Variants in SLC9A9 observed in about 807,000 individuals in gnomAD.
The protein encoded by SLC9A9 is solute carrier family 9 member A9.
SLC9A9 carries 62 observed loss-of-function variants against 77.8 expected under a neutral mutation model. The ratio of observed to expected loss-of-function variants is 0.80; its 90% confidence interval spans 0.65 to 0.98. The LOEUF (loss-of-function observed/expected upper bound fraction) is 0.98. SLC9A9 is among the 50% of genes least tolerant of loss of function. The pLI is 0.00. For missense variants in SLC9A9, 775 were observed against 774.9 expected (o/e 1.00, Z 0.00); for synonymous variants, 320 against 283.5 (o/e 1.13, Z -1.29).
At chr3:143,738,390 C>G (rs1179867649) in intron 4 of SLC9A9, among the ~76,000 whole-genome samples, 3 of 152,208 alleles carry the variant, frequency 2.0e-5, no homozygotes, top group African/African-American at 7.2e-5. Context: ...TGACTTCCCC[C>G]TCTAGCCGTT....
At chr3:143,301,564 A>G (rs1253710865) in intron 14 of SLC9A9, among the ~76,000 whole-genome samples, 4 of 152,320 alleles carry the variant, frequency 2.6e-5, no homozygotes, top group Middle Eastern at 3.4e-3. Context: ...TGTTAGGGCC[A>G]TCCTCTGCAG....
In SLC9A9 at chr3:143,428,229, C is replaced by CA. The variant is rs796279929; in HGVS notation, c.1469+38807dup. Among the ~76,000 whole-genome samples the CA allele has an allele frequency of 2.8e-3, 421 of 149,154 alleles. 2 individuals are homozygous for CA. The highest frequency in any genetic ancestry group is 8.6e-3 in the African/African-American group (345 of 40,324). On this transcript the variant is annotated intron_variant, in intron 12 of 15. Coordinates refer to ENST00000316549, the MANE Select transcript of SLC9A9 (RefSeq NM_173653.4). ...ATGGGGAATTCAGAACACTCAATAG[C>CA]AAAAAAAAATCTGATTAAAAATGGA...
chr3:143,581,862 A>T, intron 6 of SLC9A9, among the ~76,000 whole-genome samples: 1 of 152,232 alleles, frequency 6.6e-6, no homozygotes, highest in Non-Finnish European at 1.5e-5. Flanking sequence ...GCCCACCAGC[A>T]GGTGAGACTC....
At chr3:143,447,407 T>C (rs907456713) in intron 12 of SLC9A9, among the ~76,000 whole-genome samples, 2 of 152,212 alleles carry the variant, frequency 1.3e-5, no homozygotes, top group African/African-American at 2.4e-5. Context: ...ACTCCTATAG[T>C]CTTGTGTTTC....
chr3:143,624,422 C>A (rs887698630), intron 6 of SLC9A9, among the ~76,000 whole-genome samples: 1 of 152,198 alleles, frequency 6.6e-6, no homozygotes, highest in African/African-American at 2.4e-5. Context: ...TCACCATGAT[C>A]AAGTGGGCTT....
intron 5 of SLC9A9, among the ~76,000 whole-genome samples, chr3:143,687,877 C>G (rs939345254): frequency 6.6e-6 from 1 of 152,032 alleles, no homozygotes; most frequent in African/African-American, 2.4e-5. Context: ...CCAGGATGCT[C>G]TTTATGGTTA....
At chr3:143,470,490 A>AAAAAAG (rs1553758300) in intron 11 of SLC9A9, among the ~76,000 whole-genome samples, 2 of 151,728 alleles carry the variant, frequency 1.3e-5, no homozygotes, top group African/African-American at 2.4e-5. Flanking sequence ...CAAAAAAAAA[A>AAAAAAG]AAAAGAAAAG....
chr3:143,642,252 G>C (rs1293176859), intron 6 of SLC9A9, among the ~76,000 whole-genome samples: 1 of 152,216 alleles, frequency 6.6e-6, no homozygotes. Flanking sequence ...CAAATTGTAA[G>C]TAAGTGTAAG....
At chr3:143,579,910 G>T (rs2037425450) in intron 6 of SLC9A9, among the ~76,000 whole-genome samples, 1 of 152,200 alleles carries the variant, frequency 6.6e-6, no homozygotes, top group Non-Finnish European at 1.5e-5. Context: ...ATCAAAAAAG[G>T]TAGTTTTAAA....
intron 9 of SLC9A9, among the ~76,000 whole-genome samples, chr3:143,524,259 C>T (rs1576552802): frequency 6.6e-6 from 1 of 151,486 alleles, no homozygotes; most frequent in South Asian, 2.1e-4. Flanking sequence ...TGACCCAACT[C>T]ACTGAGATCC....
intron 9 of SLC9A9, among the ~76,000 whole-genome samples, chr3:143,542,043 G>A (rs745370635): frequency 5.9e-5 from 9 of 152,312 alleles, no homozygotes; most frequent in African/African-American, 9.6e-5. Context: ...TATGTTGGTC[G>A]TGGAGTAAAG....
At chr3:143,306,585 C>A (rs59753633) in intron 14 of SLC9A9, among the ~76,000 whole-genome samples, 4,497 of 152,266 alleles carry the variant, frequency 0.03, 96 homozygotes, top group African/African-American at 0.063. Flanking sequence ...CAGGGCCTGG[C>A]ACAGTGATAG....
intron 2 of SLC9A9, 24 bp from the exon 3 acceptor site, chr3:143,796,927 A>G: frequency 6.4e-7 from 1 of 1,568,152 alleles, no homozygotes; most frequent in Non-Finnish European, 8.8e-7. Flanking sequence ...AAAAAAGGAT[A>G]GTTAGAATGA....
chr3:143,559,934 C>T (rs2037052362), intron 8 of SLC9A9, among the ~76,000 whole-genome samples: 2 of 152,140 alleles, frequency 1.3e-5, no homozygotes, highest in Non-Finnish European at 2.9e-5. Context: ...GAACCCACTC[C>T]CTCTCTCCTT....
Position 143,318,609 on chromosome 3 carries a change from A to C in SLC9A9, c.1604+44875T>G, listed in dbSNP as rs76152700. Among the ~76,000 whole-genome samples the C allele has an allele frequency of 1.2e-4, 18 of 152,300 alleles. No individual in the cohort carries two copies. In the East Asian group the frequency reaches 3.3e-3, roughly 28 times the overall value. ...TAAGACAAAACAACCCATCTGTCAC[A>C]AATGGCTGCTATTTGTGGGGTACGA... On this transcript the variant is annotated intron_variant, in intron 14 of 15. Transcript: ENST00000316549.
intron 9 of SLC9A9, chr3:143,518,219 C>CG: frequency 3.1e-6 from 5 of 1,597,418 alleles, no homozygotes; most frequent in Non-Finnish European, 4.2e-6. Flanking sequence ...GTTCACTTTG[C>CG]GGGGGTCCAT....
At chr3:143,291,885 A>G (rs1431637586) in intron 14 of SLC9A9, among the ~76,000 whole-genome samples, 1 of 152,244 alleles carries the variant, frequency 6.6e-6, no homozygotes. Flanking sequence ...GAAATGCCAC[A>G]GTGAAATTTT....
intron 13 of SLC9A9, among the ~76,000 whole-genome samples, chr3:143,375,765 A>T (rs1003220730): frequency 1.3e-5 from 2 of 152,226 alleles, no homozygotes; most frequent in Non-Finnish European, 2.9e-5. Flanking sequence ...TTTATTGTTC[A>T]CGCCTCTGAG....
At chr3:143,627,810 T>C (rs2038358094) in intron 6 of SLC9A9, 1 of 152,192 alleles carries the variant, frequency 6.6e-6, no homozygotes, top group African/African-American at 2.4e-5. Flanking sequence ...TATGAATGGA[T>C]TTAGTTCTGA....
Sources: allele counts gnomAD v4.1 joint callset (sites outside exome capture counted in the v4.1 genomes callset), GRCh38; gene constraint gnomAD v4.1.1; transcripts MANE v1.5; gene names NCBI Gene and HGNC (gene_info 2026-07-23, HGNC 2026-07-21).